Variants in ELP3 observed in about 807,000 individuals in gnomAD.
ELP3 encodes the protein elongator complex protein 3.
ELP3 carries 56 observed loss-of-function variants against 74.9 expected under a neutral mutation model. The observed-to-expected ratio is 0.75, with a 90% confidence interval of 0.60 to 0.93. The LOEUF (loss-of-function observed/expected upper bound fraction) is 0.93. Ranked by LOEUF, ELP3 falls within the 40% of genes least tolerant of loss-of-function variation. ELP3 has a pLI of 0.00. For synonymous variants in ELP3, 222 were observed against 239.8 expected, an observed-to-expected ratio of 0.93 and a Z score of 0.68; for missense variants, 573 against 686.5, an observed-to-expected ratio of 0.83 and a Z score of 1.85.
At position 28,132,398 on chromosome 8, in the gene ELP3, G is replaced by A. The variant is rs1812818044; in HGVS notation, c.900G>A (p.Gln300=). ...PNVGLERDIE[Q]FTEFFENPAF... is the part of the protein sequence containing the mutation. ...TGGGACTAGAAAGAGACATTGAACAGTTCACAGTAAGTGTGACTTCAGCCA... is the reference window on the plus strand; with the variant it reads ...TGGGACTAGAAAGAGACATTGAACAATTCACAGTAAGTGTGACTTCAGCCA... Residue 300 remains glutamine (Q), a synonymous_variant, in exon 9 of 15, where the codon CAG becomes CAA. Transcript: ENST00000256398. 1.2e-6 allele frequency: 2 copies of A among 1,613,974 alleles called. No individual in the cohort carries two copies. Among genetic ancestry groups the A allele is most frequent in the African/African-American group, 2.7e-5 (2 of 74,934 alleles).
chr8:28,104,845 A>G (rs1300550135), intron 3 of ELP3, among the ~76,000 whole-genome samples: 1 of 152,198 alleles, frequency 6.6e-6, no homozygotes, highest in African/African-American at 2.4e-5. Flanking sequence ...GAAGTGTTGT[A>G]TGGAGAAATA....
intron 7 of ELP3, among the ~76,000 whole-genome samples, chr8:28,128,027 TTA>T (rs1349991884): frequency 1.3e-5 from 2 of 152,164 alleles, no homozygotes; most frequent in African/African-American, 4.8e-5. Flanking sequence ...TACAGAAATT[TTA>T]TGATTTTTAC....
intron 10 of ELP3, among the ~76,000 whole-genome samples, chr8:28,146,477 A>C (rs893225883): frequency 6.6e-6 from 1 of 152,232 alleles, no homozygotes; most frequent in African/African-American, 2.4e-5. Context: ...TACCTGTTGA[A>C]ATAGAACAGT....
intron 7 of ELP3, among the ~76,000 whole-genome samples, chr8:28,128,457 C>A (rs1812666516): frequency 6.6e-6 from 1 of 151,956 alleles, no homozygotes; most frequent in Non-Finnish European, 1.5e-5. Flanking sequence ...GCCTGGGCAA[C>A]ACAGTGAAAC....
At chr8:28,122,232 G>A (rs1221672365) in intron 7 of ELP3, among the ~76,000 whole-genome samples, 2 of 152,152 alleles carry the variant, frequency 1.3e-5, no homozygotes, top group East Asian at 1.9e-4. Context: ...TGTTCATACA[G>A]GGTGGTGGTC....
At chr8:28,106,519 G>A (rs1045752575) in intron 3 of ELP3, among the ~76,000 whole-genome samples, 194 bp from the exon 4 acceptor site, 3 of 133,116 alleles carry the variant, frequency 2.3e-5, no homozygotes, top group Admixed American at 1.6e-4. Context: ...CAGCCTGGGC[G>A]ACAGAGCGAG....
At chr8:28,139,896 G>T (rs1224569801) in intron 10 of ELP3, among the ~76,000 whole-genome samples, 1 of 152,174 alleles carries the variant, frequency 6.6e-6, no homozygotes, top group Non-Finnish European at 1.5e-5. Context: ...AGTGAGCAGA[G>T]ATCATGCCAT....
intron 3 of ELP3, 85 bp from the exon 4 acceptor site, chr8:28,106,628 C>T: frequency 9.3e-7 from 1 of 1,069,810 alleles, no homozygotes; most frequent in South Asian, 1.4e-5. Context: ...TTGCATTCCT[C>T]TCCTTCCTTC....
At chr8:28,184,643 C>T (rs1376068372) in intron 14 of ELP3, among the ~76,000 whole-genome samples, 1 of 152,212 alleles carries the variant, frequency 6.6e-6, no homozygotes, top group East Asian at 1.9e-4. Context: ...TCTTCTCTCT[C>T]ACCTCTGCAG....
At chr8:28,144,710 C>T (rs530376473) in intron 10 of ELP3, among the ~76,000 whole-genome samples, 225 of 152,326 alleles carry the variant, frequency 1.5e-3, no homozygotes, top group Middle Eastern at 3.4e-3. Flanking sequence ...TTTTGGAATT[C>T]AGACATTATC....
chr8:28,140,799 C>T (rs1813207295), intron 10 of ELP3, among the ~76,000 whole-genome samples: 2 of 152,122 alleles, frequency 1.3e-5, no homozygotes, highest in Admixed American at 6.5e-5. Flanking sequence ...AAGGCTGTGA[C>T]GTGCCTTCTG....
At chr8:28,159,924 C>T (rs1326887356) in intron 12 of ELP3, among the ~76,000 whole-genome samples, 1 of 152,170 alleles carries the variant, frequency 6.6e-6, no homozygotes, top group Non-Finnish European at 1.5e-5. Context: ...TTAAGAGACT[C>T]TTCATGGGGA....
chr8:28,105,820 C>T (rs1424709510), intron 3 of ELP3, among the ~76,000 whole-genome samples: 1 of 152,150 alleles, frequency 6.6e-6, no homozygotes, highest in Non-Finnish European at 1.5e-5. Context: ...CCAGATTTGA[C>T]CAAGTGCCCT....
chr8:28,187,481 T>A (rs1388866219), intron 14 of ELP3, among the ~76,000 whole-genome samples: 1 of 152,132 alleles, frequency 6.6e-6, no homozygotes, highest in Non-Finnish European at 1.5e-5. Flanking sequence ...ATCCTCTCAT[T>A]CTTCCATCTC....
At position 28,139,528 on chromosome 8, in the gene ELP3, A is replaced by G. The variant is rs116534427; in HGVS notation, c.1100+1637A>G. On this transcript the variant is annotated intron_variant, in intron 10 of 14. Transcript: ENST00000256398. ...CAACTGCAGATGGAAAATATTCAGA[A>G]AAAACAGTGGGTGGTTATTGCATCT... Among the ~76,000 whole-genome samples the G allele has an allele frequency of 6.8e-3, 1,032 of 152,328 alleles. 8 individuals carry two copies. The highest frequency in any genetic ancestry group is 0.024 in the African/African-American group (990 of 41,568).
chr8:28,092,633 C>A (rs1417635186), upstream of ELP3, among the ~76,000 whole-genome samples: 1 of 152,138 alleles, frequency 6.6e-6, no homozygotes, highest in East Asian at 1.9e-4. Flanking sequence ...GGTTACCGAT[C>A]ATATGTGCCA....
chr8:28,143,615 T>C (rs2130501274), intron 10 of ELP3, among the ~76,000 whole-genome samples: 1 of 152,314 alleles, frequency 6.6e-6, no homozygotes, highest in African/African-American at 2.4e-5. Flanking sequence ...CAATTTTAAT[T>C]TGTCTTTTTT....
rs1479805172 is a variant in ELP3 at position 28,137,836 on chromosome 8, G to T, written c.1045G>T (p.Val349Leu). 1.9e-6 allele frequency: 3 copies of T among 1,613,898 alleles called. No individual in the cohort carries two copies. The Admixed American group carries it at 5.0e-5, about 27-fold the overall frequency. The change falls in exon 10 of 15, where the codon GTG (valine) becomes TTG (leucine). Residue 349 changes from valine (V) to leucine (L), a missense_variant. Transcript: ENST00000256398. ...SYSPSDLVEL[V>L]ARILALVPPW... ...CTCTCCTAGTGACCTGGTTGAATTGGTGGCTCGGATCCTAGCCCTCGTGCC... is the reference window on the plus strand; with the variant it reads ...CTCTCCTAGTGACCTGGTTGAATTGTTGGCTCGGATCCTAGCCCTCGTGCC...
intron 3 of ELP3, among the ~76,000 whole-genome samples, chr8:28,101,615 A>C (rs1481444262): frequency 6.8e-6 from 1 of 147,822 alleles, no homozygotes; most frequent in South Asian, 2.1e-4. Flanking sequence ...TACCTGAGAC[A>C]GTCTTGTTCT....
Sources: allele counts gnomAD v4.1 joint callset (sites outside exome capture counted in the v4.1 genomes callset), GRCh38; gene constraint gnomAD v4.1.1; transcripts MANE v1.5; gene names NCBI Gene and HGNC (gene_info 2026-07-23, HGNC 2026-07-21).